Variants in ARHGEF28 observed in about 807,000 individuals in gnomAD.
The protein encoded by ARHGEF28 is Rho guanine nucleotide exchange factor 28.
Under a neutral mutation model 206.6 loss-of-function variants are expected in ARHGEF28, and 152 were observed. That is an observed-to-expected ratio of 0.74 (90% CI 0.64 to 0.84). ARHGEF28 has a LOEUF of 0.84. ARHGEF28 is among the 40% of genes least tolerant of loss of function. The pLI is 0.00. For synonymous variants in ARHGEF28, 763 were observed against 776.4 expected (o/e 0.98, Z 0.29); for missense variants, 2,028 against 2,073.2 (o/e 0.98, Z 0.42).
intron 2 of ARHGEF28, among the ~76,000 whole-genome samples, chr5:73,698,843 G>T (rs1312820820): frequency 6.6e-6 from 1 of 151,824 alleles, no homozygotes; most frequent in Non-Finnish European, 1.5e-5. Context: ...GGTCCAAGGA[G>T]AAGGCGTGGT....
chr5:73,675,732 C>CAAAAAA (rs35836692), intron 1 of ARHGEF28, among the ~76,000 whole-genome samples: 2 of 49,648 alleles, frequency 4.0e-5, no homozygotes, highest in African/African-American at 7.8e-5. Context: ...GACTCTGTCT[C>CAAAAAA]AAAAAAAAAA....
intron 9 of ARHGEF28, among the ~76,000 whole-genome samples, chr5:73,818,696 C>T (rs902604301): frequency 1.3e-5 from 2 of 152,186 alleles, no homozygotes; most frequent in African/African-American, 2.4e-5. Context: ...AACTCTTTGC[C>T]AAACAACATA....
At chr5:73,721,932 C>G (rs952256638) in intron 2 of ARHGEF28, among the ~76,000 whole-genome samples, 2 of 152,190 alleles carry the variant, frequency 1.3e-5, no homozygotes, top group African/African-American at 4.8e-5. Context: ...AAGGGCTCAG[C>G]AGCAGTTTTG....
At chr5:73,689,344 A>AT (rs1201508886) in intron 2 of ARHGEF28, among the ~76,000 whole-genome samples, 3 of 151,968 alleles carry the variant, frequency 2.0e-5, no homozygotes, top group African/African-American at 7.3e-5. Flanking sequence ...TATTTGATTT[A>AT]TTTTTTTAAA....
intron 6 of ARHGEF28, chr5:73,778,076 TAAAAA>T: frequency 7.1e-6 from 1 of 140,152 alleles, no homozygotes; most frequent in Non-Finnish European, 1.5e-5. Flanking sequence ...AGACTCCGTC[TAAAAA>T]AAAAAAAAAA....
chr5:73,865,159 G>T (rs1759633411), intron 17 of ARHGEF28, among the ~76,000 whole-genome samples: 1 of 152,198 alleles, frequency 6.6e-6, no homozygotes, highest in East Asian at 1.9e-4. Flanking sequence ...TGCAAATGAA[G>T]ATCAGAGTAG....
intron 35 of ARHGEF28, among the ~76,000 whole-genome samples, chr5:73,928,342 G>A (rs1344666818): frequency 6.6e-6 from 1 of 152,078 alleles, no homozygotes; most frequent in African/African-American, 2.4e-5. Context: ...CTTGAACCCG[G>A]GAGGTGGAGG....
At chr5:73,904,027 G>A (rs1169052842) in intron 31 of ARHGEF28, 195 bp from the exon 32 acceptor site, 1 of 582,426 alleles carries the variant, frequency 1.7e-6, no homozygotes, top group Admixed American at 3.4e-5. Flanking sequence ...TTGCGTGAAG[G>A]ACGCTCTTGT....
At position 73,894,477 on chromosome 5, in the gene ARHGEF28, G is replaced by T. The variant is rs528800193; in HGVS notation, c.3743G>T (p.Gly1248Val). 86 of 1,613,946 alleles carry T rather than the reference G, an allele frequency of 5.3e-5. No individual in the cohort carries two copies. The South Asian group carries it at 8.9e-4, about 17-fold the overall frequency. Residue 1248 changes from glycine to valine, a missense_variant, in exon 29 of 36, where the codon GGA becomes GTA. Around this residue, in one of 3 missense-constraint regions of ARHGEF28, gnomAD observed 803 missense variants for 768.0 expected, o/e 1.05. Coordinates refer to ENST00000513042, the MANE Select transcript of ARHGEF28 (RefSeq NM_001177693.2). Reference sequence around the variant, plus strand: ...TATGCTGAACTTGGAGAACTGAGCGGATTTGAGGACGTCCATCTAGAGCCC... The same window carrying T: ...TATGCTGAACTTGGAGAACTGAGCGTATTTGAGGACGTCCATCTAGAGCCC... ...HIYAELGELSGFEDVHLEPHL... is the reference protein window; with the variant it reads ...HIYAELGELSVFEDVHLEPHL...
At chr5:73,757,588 G>T (rs909645303) in intron 4 of ARHGEF28, among the ~76,000 whole-genome samples, 2 of 152,158 alleles carry the variant, frequency 1.3e-5, no homozygotes, top group South Asian at 4.1e-4. Flanking sequence ...TCTGAGTAGA[G>T]CATGGATCTT....
At chr5:73,819,906 T>C (rs1242857514) in intron 9 of ARHGEF28, among the ~76,000 whole-genome samples, 2 of 152,230 alleles carry the variant, frequency 1.3e-5, no homozygotes, top group African/African-American at 4.8e-5. Flanking sequence ...CTGAATTCCC[T>C]TGGGGTTCAG....
At chr5:73,860,151 G>A (rs760073031) in intron 16 of ARHGEF28, among the ~76,000 whole-genome samples, 3 of 152,118 alleles carry the variant, frequency 2.0e-5, no homozygotes, top group Admixed American at 2.0e-4. Context: ...CTGGGTACGC[G>A]CAGAAATTAG....
intron 29 of ARHGEF28, among the ~76,000 whole-genome samples, chr5:73,895,398 TG>T (rs1176579680): frequency 3.3e-5 from 5 of 152,140 alleles, no homozygotes; most frequent in African/African-American, 1.2e-4. Flanking sequence ...GAACTTGTGC[TG>T]TGTGCTAACT....
intron 35 of ARHGEF28, among the ~76,000 whole-genome samples, chr5:73,926,865 G>T (rs35561493): frequency 1.3e-5 from 2 of 152,160 alleles, no homozygotes; most frequent in Non-Finnish European, 2.9e-5. Flanking sequence ...TAAGGGACAC[G>T]TATGTAGTGG....
At chr5:73,640,420 G>A (rs1179154766) in intron 1 of ARHGEF28, among the ~76,000 whole-genome samples, 1 of 152,190 alleles carries the variant, frequency 6.6e-6, no homozygotes, top group Non-Finnish European at 1.5e-5. Flanking sequence ...GCAGAGATAT[G>A]ATATTTATAG....
At chr5:73,698,455 GAA>G (rs1748358511) in intron 2 of ARHGEF28, among the ~76,000 whole-genome samples, 1 of 152,092 alleles carries the variant, frequency 6.6e-6, no homozygotes, top group South Asian at 2.1e-4. Flanking sequence ...GATCCATTTT[GAA>G]AAGTCTCTTG....
intron 28 of ARHGEF28, among the ~76,000 whole-genome samples, chr5:73,894,044 G>A (rs1452011444): frequency 6.6e-6 from 1 of 152,216 alleles, no homozygotes; most frequent in Non-Finnish European, 1.5e-5. Context: ...ATCATGGACA[G>A]GGCCGCCTCA....
At chr5:73,631,985 A>G (rs947556915) in intron 1 of ARHGEF28, among the ~76,000 whole-genome samples, 3 of 152,180 alleles carry the variant, frequency 2.0e-5, no homozygotes, top group Admixed American at 2.0e-4. Flanking sequence ...GTTCCTGTAT[A>G]TAAGTCTCAA....
intron 7 of ARHGEF28, among the ~76,000 whole-genome samples, chr5:73,786,742 A>G (rs1424231192): frequency 1.3e-5 from 2 of 152,186 alleles, no homozygotes; most frequent in Non-Finnish European, 1.5e-5. Context: ...GAAAATACAG[A>G]TAAAGCACCT....
Sources: allele counts gnomAD v4.1 joint callset (sites outside exome capture counted in the v4.1 genomes callset), GRCh38; gene constraint gnomAD v4.1.1; regional missense constraint gnomAD v4.1.1; transcripts MANE v1.5; gene names NCBI Gene and HGNC (gene_info 2026-07-23, HGNC 2026-07-21).